IGSF21: variants seen among roughly 807,000 people sequenced by gnomAD.
IGSF21 encodes the protein immunoglobin superfamily member 21, also known as immunoglobulin superfamily member 21.
Under a neutral mutation model 46.8 loss-of-function variants are expected in IGSF21, and 28 were observed. The ratio of observed to expected loss-of-function variants is 0.60; its 90% confidence interval spans 0.44 to 0.82. IGSF21 has a LOEUF of 0.82. IGSF21 is among the 40% of genes least tolerant of loss of function. The pLI, the probability that IGSF21 is intolerant of heterozygous loss-of-function variation, is 0.00. For missense variants in IGSF21, 624 were observed against 665.5 expected (o/e 0.94, Z 0.69); for synonymous variants, 284 against 273.6 (o/e 1.04, Z -0.38).
intron 2 of IGSF21, among the ~76,000 whole-genome samples, chr1:18,266,846 G>T (rs1413176028): frequency 1.3e-5 from 2 of 152,326 alleles, no homozygotes; most frequent in South Asian, 2.1e-4. Context: ...CCTATGTCCT[G>T]CAGGGAGACA....
chr1:18,293,307 G>A (rs2085284741), intron 3 of IGSF21, among the ~76,000 whole-genome samples: 1 of 152,164 alleles, frequency 6.6e-6, no homozygotes, highest in African/African-American at 2.4e-5. Flanking sequence ...GTTTTCTATT[G>A]GGTGAAATTA....
chr1:18,285,332 C>T (rs2085202585), intron 2 of IGSF21, among the ~76,000 whole-genome samples: 1 of 152,090 alleles, frequency 6.6e-6, no homozygotes, highest in Non-Finnish European at 1.5e-5. Flanking sequence ...AGTCCACCGG[C>T]CACGCTTTGA....
chr1:18,134,887 G>C (rs1042623098), intron 1 of IGSF21, among the ~76,000 whole-genome samples: 2 of 152,238 alleles, frequency 1.3e-5, no homozygotes, highest in African/African-American at 4.8e-5. Context: ...AGCCATGCCT[G>C]GGAGATTAGA....
intron 1 of IGSF21, among the ~76,000 whole-genome samples, chr1:18,170,240 G>C (rs1382877579): frequency 6.6e-6 from 1 of 152,148 alleles, no homozygotes; most frequent in Non-Finnish European, 1.5e-5. Context: ...AGGAAGTGAG[G>C]TCAGAAAGAG....
At chr1:18,128,047 A>T (rs982241606) in intron 1 of IGSF21, among the ~76,000 whole-genome samples, 8 of 152,170 alleles carry the variant, frequency 5.3e-5, no homozygotes, top group African/African-American at 1.9e-4. Context: ...GAGATTAGTG[A>T]TACTCTTGGA....
chr1:18,373,762 C>T (rs884129), intron 6 of IGSF21, among the ~76,000 whole-genome samples: 2 of 151,986 alleles, frequency 1.3e-5, no homozygotes, highest in African/African-American at 4.8e-5. Context: ...CTTCCTATAG[C>T]ATGACCTTGG....
chr1:18,145,466 G>A (rs1344616375), intron 1 of IGSF21, among the ~76,000 whole-genome samples: 1 of 152,046 alleles, frequency 6.6e-6, no homozygotes, highest in Non-Finnish European at 1.5e-5. Flanking sequence ...AGAGCCCCCA[G>A]CCCCTCCTGG....
intron 1 of IGSF21, among the ~76,000 whole-genome samples, chr1:18,127,193 C>T (rs2086281662): frequency 6.6e-6 from 1 of 152,100 alleles, no homozygotes; most frequent in Non-Finnish European, 1.5e-5. Context: ...CCAGGTCAGG[C>T]AAGGGCTTTG....
intron 1 of IGSF21, among the ~76,000 whole-genome samples, chr1:18,172,338 G>A (rs541930168): frequency 9.9e-5 from 15 of 152,242 alleles, no homozygotes; most frequent in Non-Finnish European, 1.8e-4. Context: ...TTCTTGTTAC[G>A]CTCACACTAG....
chr1:18,124,578 C>T (rs11581747), intron 1 of IGSF21, among the ~76,000 whole-genome samples: 1,943 of 152,244 alleles, frequency 0.013, 46 homozygotes, highest in African/African-American at 0.043. Flanking sequence ...TGTGGCTCTT[C>T]GTGTCTCAGG....
chr1:18,278,764 C>A, intron 2 of IGSF21: 2 of 464,376 alleles, frequency 4.3e-6, no homozygotes, highest in South Asian at 3.1e-5. Flanking sequence ...CCATGTTGCC[C>A]AGGCTGATCT....
intron 3 of IGSF21, among the ~76,000 whole-genome samples, chr1:18,299,725 A>G (rs2085343402): frequency 6.6e-6 from 1 of 152,212 alleles, no homozygotes; most frequent in African/African-American, 2.4e-5. Flanking sequence ...CCCAGAGTTC[A>G]TCCAGGAGTG....
intron 9 of IGSF21, 89 bp downstream of exon 9, chr1:18,377,520 A>T: frequency 1.9e-6 from 2 of 1,042,492 alleles, no homozygotes; most frequent in Non-Finnish European, 3.0e-6. Flanking sequence ...TCCCATATGC[A>T]CACCCTTGCC....
intron 2 of IGSF21, among the ~76,000 whole-genome samples, chr1:18,281,073 G>A (rs2085154370): frequency 6.6e-6 from 1 of 151,192 alleles, no homozygotes; most frequent in Admixed American, 6.6e-5. Context: ...TGACCCCTCT[G>A]TCCACAGGCC....
intron 2 of IGSF21, among the ~76,000 whole-genome samples, chr1:18,279,221 A>G (rs1463266799): frequency 1.3e-5 from 2 of 152,092 alleles, no homozygotes; most frequent in African/African-American, 4.8e-5. Context: ...TGTAGCCATC[A>G]CCCTATGTTA....
At chr1:18,273,039 CTTT>C (rs760448516) in intron 2 of IGSF21, among the ~76,000 whole-genome samples, 5 of 80,718 alleles carry the variant, frequency 6.2e-5, no homozygotes, top group Admixed American at 1.4e-4. Context: ...CCAGACGGAT[CTTT>C]TTTTTTTTTT....
Position 18,120,172 on chromosome 1 carries a change from C to T in IGSF21, c.70+11974C>T, listed in dbSNP as rs190563632. Among the ~76,000 whole-genome samples, 10 of 152,338 alleles carry T rather than the reference C, an allele frequency of 6.6e-5. No individual in the cohort carries two copies. The East Asian group carries it at 1.7e-3, about 26-fold the overall frequency. On this transcript the variant is annotated intron_variant, in intron 1 of 9. Coordinates refer to ENST00000251296, the MANE Select transcript of IGSF21 (RefSeq NM_032880.5). ...TTTGCATAGGATTTCTGGAAAACCG[C>T]AGGGGATGGTGCAGCCCCTTGGAGC...
rs944085438 is a variant in IGSF21, at chr1:18,339,417, G to A, written c.424+4407G>A. On this transcript the variant is annotated intron_variant, in intron 4 of 9. Transcript: ENST00000251296. ...AGGGAGTGGGGACTTCCTTGAGACC[G>A]AGCCCTAACTAGGTGGCTCAAAAAC... Among the ~76,000 whole-genome samples the A allele has an allele frequency of 1.3e-4, 20 of 152,256 alleles. 1 individual carries two copies. Among genetic ancestry groups the A allele is most frequent in the Middle Eastern group, 3.4e-3 (1 of 294 alleles).
intron 1 of IGSF21, among the ~76,000 whole-genome samples, chr1:18,186,883 T>C (rs1442697620): frequency 6.6e-6 from 1 of 152,146 alleles, no homozygotes; most frequent in Non-Finnish European, 1.5e-5. Context: ...CCTTGCTCAC[T>C]GATGGAGGCC....
Sources: allele counts gnomAD v4.1 joint callset (sites outside exome capture counted in the v4.1 genomes callset), GRCh38; gene constraint gnomAD v4.1.1; transcripts MANE v1.5; gene names NCBI Gene and HGNC (gene_info 2026-07-23, HGNC 2026-07-21).